The following ACSL6 variants were observed in gnomAD, a reference collection of about 807,000 sequenced individuals.
ACSL6 encodes the protein acyl-CoA synthetase long chain family member 6, also known as long-chain-fatty-acid--CoA ligase 6.
Under a neutral mutation model 98.2 loss-of-function variants are expected in ACSL6, and 47 were observed. The observed-to-expected ratio is 0.48, with a 90% confidence interval of 0.38 to 0.61. The LOEUF is 0.61. Among genes scored for constraint, ACSL6 ranks in the 20% least tolerant of loss-of-function variants. The probability of loss-of-function intolerance (pLI) is 0.00; values close to 1 mark genes in which losing one functional copy is unlikely to be tolerated. For missense variants in ACSL6, 761 were observed against 913.4 expected (o/e 0.83, Z 2.15); for synonymous variants, 362 against 336.9 (o/e 1.07, Z -0.82).
In ACSL6 at chr5:131,985,455, G is replaced by A. The variant is rs748692428; in HGVS notation, c.868C>T (p.Pro290Ser). Residue 290 changes from proline (P) to serine (S), a missense_variant, in exon 9 of 21, where the codon CCG (proline) becomes TCG (serine). Physicochemically the swap from Pro to Ser is moderately conservative, Grantham distance 74. Coordinates refer to ENST00000651883, the MANE Select transcript of ACSL6 (RefSeq NM_001009185.3). ...GQENHQAPVP[P>S]QPDDLSIVCF... The stretch of plus-strand genomic sequence containing the variant: ...ACAATGGAGAGGTCATCAGGCTGCG[G>A]GGGCTGCAGGGGTGAGAAGAGGAGT... 6.2e-7 allele frequency: 1 copy of A among 1,613,766 alleles called. No homozygotes were observed. Among genetic ancestry groups the A allele is most frequent in the Non-Finnish European group, 8.5e-7 (1 of 1,180,000 alleles).
At position 131,986,922 on chromosome 5, in the gene ACSL6, C is replaced by G. The variant is rs112909405; in HGVS notation, c.832-68G>C. 5.1e-6 allele frequency: 8 copies of G among 1,562,608 alleles called. No individual in the cohort carries two copies. The South Asian group carries it at 8.0e-5, about 16-fold the overall frequency. On this transcript the variant is annotated intron_variant, in intron 7 of 20. Transcript: ENST00000651883. ...TCTCTCTCTCTTTCTGTCCCTCTGT[C>G]TCTGTCTCTTTCTCTCACACACGCA...
At chr5:132,010,997 G>T (rs1014982767) in intron 1 of ACSL6, among the ~76,000 whole-genome samples, 2 of 152,180 alleles carry the variant, frequency 1.3e-5, no homozygotes, top group Admixed American at 1.3e-4. Flanking sequence ...CTACCTTACA[G>T]AAATCTTGTA....
intron 3 of ACSL6, 137 bp from the exon 4 acceptor site, chr5:131,990,301 G>A (rs1177108386): frequency 2.2e-5 from 17 of 770,618 alleles, no homozygotes; most frequent in Non-Finnish European, 3.2e-5. Context: ...CTCCTGCACT[G>A]CCAGCTACCT....
In ACSL6 at chr5:131,952,636, G is replaced by A. The variant is rs927245200; in HGVS notation, c.*1598C>T. On this transcript the variant is annotated 3_prime_UTR_variant, in exon 21 of 21. Coordinates refer to ENST00000651883, the MANE Select transcript of ACSL6 (RefSeq NM_001009185.3). ...TCCTGGGGTCCATGCCTTTTTCAGAGGCACAATCTATAGCTTGGAACTTAA... is the reference window on the plus strand; with the variant it reads ...TCCTGGGGTCCATGCCTTTTTCAGAAGCACAATCTATAGCTTGGAACTTAA... The A allele has an allele frequency of 9.4e-6, 2 of 213,058 alleles. No individual in the cohort carries two copies. Among genetic ancestry groups the A allele is most frequent in the African/African-American group, 2.3e-5 (1 of 44,138 alleles). 13.2% of individuals were successfully genotyped at this position (213,058 alleles called of 1,614,324 possible).
At position 131,952,657 on chromosome 5, in the gene ACSL6, C is replaced by T. The variant is rs1207544419; in HGVS notation, c.*1577G>A. The T allele has an allele frequency of 4.7e-6, 1 of 213,996 alleles. No homozygotes were observed. Among genetic ancestry groups the T allele is most frequent in the South Asian group, 1.9e-4 (1 of 5,374 alleles). 13.3% of individuals were successfully genotyped at this position (213,996 alleles called of 1,614,324 possible). ...CAGAGGCACAATCTATAGCTTGGAA[C>T]TTAATTGCTGTCCATGGTATCTGGC... On this transcript the variant is annotated 3_prime_UTR_variant, in exon 21 of 21. Transcript: ENST00000651883.
chr5:131,974,732 G>T lies in ACSL6; in HGVS notation c.1068+161C>A, dbSNP rs1309966306. On this transcript the variant is annotated intron_variant, in intron 11 of 20. Coordinates refer to ENST00000651883, the MANE Select transcript of ACSL6 (RefSeq NM_001009185.3). ...GGGTTATGGGTTCTAGGCACAGAGT[G>T]TGCCTCCCTGATGCCAGGGCCTTAC... The T allele has an allele frequency of 1.9e-6, 3 of 1,594,312 alleles. No individual in the cohort carries two copies. In the Admixed American group the frequency reaches 5.2e-5, roughly 28 times the overall value.
Position 132,011,462 on chromosome 5 carries a change from G to T in ACSL6, c.49+43C>A, listed in dbSNP as rs772170480. 6.3e-7 allele frequency: 1 copy of T among 1,594,476 alleles called. No individual in the cohort carries two copies. The highest frequency in any genetic ancestry group is 8.6e-7 in the Non-Finnish European group (1 of 1,164,042). On this transcript the variant is annotated intron_variant, in intron 1 of 20. Transcript: ENST00000651883. The surrounding 1 kb of genome is among the most constrained non-coding windows in gnomAD (Gnocchi z 5.4). ...ACCTCGGGCGAAGACCTCATAGCCT[G>T]CGGGAGATGGGAGTCCGGGACGCGG...
intron 9 of ACSL6, chr5:131,982,163 A>G (rs1320329980): frequency 3.3e-5 from 1 of 30,338 alleles, no homozygotes; most frequent in African/African-American, 1.7e-4. Flanking sequence ...TTTTTTTTTG[A>G]GACGGAGTCT....
At chr5:131,960,437 G>T (rs567500059) in intron 19 of ACSL6, 83 bp downstream of exon 19, 4 of 1,129,350 alleles carry the variant, frequency 3.5e-6, no homozygotes, top group South Asian at 3.4e-5. Context: ...GAATTTCACT[G>T]GTCTACAACT....
At chr5:131,979,998 C>A (rs988211846) in intron 9 of ACSL6, among the ~76,000 whole-genome samples, 1 of 152,204 alleles carries the variant, frequency 6.6e-6, no homozygotes, top group African/African-American at 2.4e-5. Flanking sequence ...TGTAGAAAGG[C>A]ATTTTGCTGG....
At chr5:131,991,625 C>T (rs1183758874) in intron 2 of ACSL6, among the ~76,000 whole-genome samples, 2 of 152,120 alleles carry the variant, frequency 1.3e-5, no homozygotes, top group East Asian at 3.9e-4. Flanking sequence ...GGGAAGGTGG[C>T]AAACCCCTCT....
intron 1 of ACSL6, chr5:132,006,425 A>G (rs945646282): frequency 6.6e-6 from 1 of 152,270 alleles, no homozygotes; most frequent in East Asian, 1.9e-4. Flanking sequence ...ATGAGGAACC[A>G]CCCCTGGGCA....
chr5:131,986,071 G>A (rs372706257), intron 8 of ACSL6, among the ~76,000 whole-genome samples: 1 of 152,352 alleles, frequency 6.6e-6, no homozygotes, highest in Admixed American at 6.5e-5. Context: ...GATTTCTCCC[G>A]ATGAAGTGTG....
intron 9 of ACSL6, among the ~76,000 whole-genome samples, chr5:131,977,047 G>A (rs978843278): frequency 1.3e-5 from 2 of 152,194 alleles, no homozygotes; most frequent in African/African-American, 2.4e-5. Flanking sequence ...AGCAGAGGCT[G>A]TCAGCCCCGA....
chr5:131,959,527 A>C lies in ACSL6; in HGVS notation c.2031+9T>G, dbSNP rs780928656. On this transcript the variant is annotated intron_variant, in intron 20 of 20. Coordinates refer to ENST00000651883, the MANE Select transcript of ACSL6 (RefSeq NM_001009185.3). ...GGGTTGTAACGAGTATGGGGAAGGT[A>C]ACAGTTACCTGCTCAAAAGAATGGA... 2 of 1,613,654 alleles carry C rather than the reference A, an allele frequency of 1.2e-6. No individual in the cohort carries two copies. The highest frequency in any genetic ancestry group is 1.7e-5 in the Admixed American group (1 of 59,998).
chr5:131,954,250 T>C lies in ACSL6; in HGVS notation c.2153A>G (p.Tyr718Cys), dbSNP rs1422514261. Residue 718 changes from tyrosine (Y) to cysteine (C), a missense_variant, in exon 21 of 21, where the codon TAC (tyrosine) becomes TGC (cysteine). Physicochemically the swap from Tyr to Cys is radical, Grantham distance 194. Coordinates refer to ENST00000651883, the MANE Select transcript of ACSL6 (RefSeq NM_001009185.3). ...CCTTGAACTTCACATGGAGATTGAGTAAAGCTCTTCTATTTGTTTTTTGAA... is the reference window on the plus strand; with the variant it reads ...CCTTGAACTTCACATGGAGATTGAGCAAAGCTCTTCTATTTGTTTTTTGAA... Reference protein sequence around the residue: ...EYFKKQIEELYSISM With the variant: ...EYFKKQIEELCSISM 1 of 1,613,348 alleles carries C rather than the reference T, an allele frequency of 6.2e-7. No homozygotes were observed.
At chr5:131,996,031 C>A (rs143834391) in intron 1 of ACSL6, among the ~76,000 whole-genome samples, 53 of 152,302 alleles carry the variant, frequency 3.5e-4, no homozygotes, top group African/African-American at 1.2e-3. Context: ...TGTGGCCCCA[C>A]AGAAGGAGTT....
intron 1 of ACSL6, chr5:131,994,798 G>A (rs900726917): frequency 5.8e-6 from 1 of 171,710 alleles, no homozygotes; most frequent in African/African-American, 2.4e-5. Flanking sequence ...AAAGACCGCA[G>A]ATCAGCCCTG....
chr5:132,006,133 GCTT>G (rs1257499771), intron 1 of ACSL6, among the ~76,000 whole-genome samples: 1 of 152,204 alleles, frequency 6.6e-6, no homozygotes, highest in African/African-American at 2.4e-5. Context: ...TACATGCCTG[GCTT>G]AGGTGCAGGG....
Sources: allele counts gnomAD v4.1 joint callset (sites outside exome capture counted in the v4.1 genomes callset), GRCh38; gene constraint gnomAD v4.1.1; non-coding constraint Gnocchi (gnomAD v3.1); transcripts MANE v1.5; gene names NCBI Gene and HGNC (gene_info 2026-07-23, HGNC 2026-07-21).